Variants in AKAP19 observed in about 807,000 individuals in gnomAD.
The protein encoded by AKAP19 is A-kinase anchoring protein 19.
At chr2:190,106,068 C>G in the AKAP19 span, among the ~76,000 whole-genome samples, 2 of 152,140 alleles carry the variant, frequency 1.3e-5, no homozygotes, top group Admixed American at 1.3e-4. Context: ...AAGATTAACA[C>G]CTGACATAAA....
chr2:190,056,697 T>C, the AKAP19 span: 1 of 153,688 alleles, frequency 6.5e-6, no homozygotes, highest in East Asian at 1.9e-4. Context: ...ATTAGCACCG[T>C]TGGCATGGAT....
chr2:190,054,782 C>A, the AKAP19 span, among the ~76,000 whole-genome samples: 3 of 152,090 alleles, frequency 2.0e-5, no homozygotes, highest in Non-Finnish European at 4.4e-5. Flanking sequence ...AATGAGATAC[C>A]ATCTCACACC....
chr2:190,174,137 A>G, the AKAP19 span, among the ~76,000 whole-genome samples: 8 of 152,298 alleles, frequency 5.3e-5, 1 homozygote, highest in South Asian at 1.7e-3. Context: ...TAGGGGAAAA[A>G]CATAGCAGTA....
the AKAP19 span, among the ~76,000 whole-genome samples, chr2:189,904,766 T>A: frequency 6.6e-6 from 1 of 152,030 alleles, no homozygotes; most frequent in Non-Finnish European, 1.5e-5. Flanking sequence ...AAATACTGGC[T>A]CTAGAGTGAA....
the AKAP19 span, among the ~76,000 whole-genome samples, chr2:190,179,066 A>G: frequency 6.6e-6 from 1 of 152,208 alleles, no homozygotes; most frequent in Non-Finnish European, 1.5e-5. This position sits in a 1 kb window ranked among gnomAD's most constrained non-coding sequence, Gnocchi z 6.0. Flanking sequence ...TGAAATATGT[A>G]GAACTGAATA....
At chr2:189,970,333 A>G in the AKAP19 span, among the ~76,000 whole-genome samples, 1 of 152,322 alleles carries the variant, frequency 6.6e-6, no homozygotes, top group African/African-American at 2.4e-5. Context: ...CCTGGATTAT[A>G]TTCCCTTTCA....
At chr2:190,199,739 A>G in the AKAP19 span, 3 of 1,502,138 alleles carry the variant, frequency 2.0e-6, no homozygotes, top group Non-Finnish European at 2.7e-6. Flanking sequence ...AACATTGATT[A>G]CTGAAGTGCC....
At chr2:189,914,850 CAA>C in the AKAP19 span, among the ~76,000 whole-genome samples, 14 of 152,064 alleles carry the variant, frequency 9.2e-5, no homozygotes, top group African/African-American at 3.4e-4. Flanking sequence ...GTAAATTGAC[CAA>C]AGTCTTACAG....
At chr2:190,015,385 C>T in the AKAP19 span, among the ~76,000 whole-genome samples, 1 of 152,248 alleles carries the variant, frequency 6.6e-6, no homozygotes, top group Non-Finnish European at 1.5e-5. Flanking sequence ...ACAACAGCCT[C>T]AGCTGTACAT....
At chr2:189,981,027 T>G in the AKAP19 span, among the ~76,000 whole-genome samples, 1 of 152,192 alleles carries the variant, frequency 6.6e-6, no homozygotes, top group Non-Finnish European at 1.5e-5. Flanking sequence ...CTGTAGATGT[T>G]TGTTAGGTCC....
the AKAP19 span, among the ~76,000 whole-genome samples, chr2:190,197,776 A>C: frequency 6.6e-6 from 1 of 152,236 alleles, no homozygotes; most frequent in Non-Finnish European, 1.5e-5. This position sits in a 1 kb window ranked among gnomAD's most constrained non-coding sequence, Gnocchi z 4.0. Flanking sequence ...TGGCAAATGC[A>C]CAAATCTGGC....
At chr2:189,911,392 A>T in the AKAP19 span, among the ~76,000 whole-genome samples, 2 of 152,022 alleles carry the variant, frequency 1.3e-5, no homozygotes, top group African/African-American at 2.4e-5. Context: ...GGATTTCTAG[A>T]TTTTACTGAT....
chr2:189,880,258 T>A, the AKAP19 span, among the ~76,000 whole-genome samples: 1 of 152,154 alleles, frequency 6.6e-6, no homozygotes, highest in African/African-American at 2.4e-5. Flanking sequence ...TTTTTGGTGG[T>A]TTTTTTGAGG....
chr2:189,993,064 A>C, the AKAP19 span, among the ~76,000 whole-genome samples: 1 of 152,166 alleles, frequency 6.6e-6, no homozygotes, highest in South Asian at 2.1e-4. Context: ...TTGAATAGCA[A>C]TGGTGAAAGT....
At chr2:189,889,883 A>G in the AKAP19 span, among the ~76,000 whole-genome samples, 1 of 152,088 alleles carries the variant, frequency 6.6e-6, no homozygotes, top group South Asian at 2.1e-4. Flanking sequence ...CAGGTCTTGG[A>G]TTGATTGAGT....
At chr2:190,136,508 G>A in the AKAP19 span, among the ~76,000 whole-genome samples, 18 of 152,128 alleles carry the variant, frequency 1.2e-4, no homozygotes, top group Non-Finnish European at 2.4e-4. Context: ...GATGATCAAA[G>A]GTTGGTTTCT....
chr2:189,963,204 T>C, the AKAP19 span, among the ~76,000 whole-genome samples: 1 of 149,318 alleles, frequency 6.7e-6, no homozygotes, highest in Non-Finnish European at 1.5e-5. Flanking sequence ...CTTCTCTTTT[T>C]TTTTTTTGAG....
the AKAP19 span, among the ~76,000 whole-genome samples, chr2:189,961,617 A>T: frequency 1.3e-5 from 2 of 152,116 alleles, no homozygotes; most frequent in Non-Finnish European, 2.9e-5. Flanking sequence ...TTGTGACCTT[A>T]AAGTATCAGA....
At chr2:190,003,499 T>C in the AKAP19 span, among the ~76,000 whole-genome samples, 2 of 150,840 alleles carry the variant, frequency 1.3e-5, no homozygotes, top group East Asian at 3.9e-4. Context: ...AACATTGTCC[T>C]TCTATTTCTT....
Sources: gnomAD v4.1 joint callset for allele counts (sites outside exome capture counted in the v4.1 genomes callset) on GRCh38, gnomAD v4.1.1 for gene constraint, Gnocchi (gnomAD v3.1) non-coding constraint, MANE v1.5 for transcripts, NCBI Gene and HGNC (gene_info 2026-07-23, HGNC 2026-07-21) for gene names.